Variants in IPPK observed in about 807,000 individuals in gnomAD.
IPPK encodes inositol-pentakisphosphate 2-kinase, also known as IPK1 homolog.
A neutral mutation model predicts 64.6 loss-of-function variants in IPPK; 22 were observed. The ratio of observed to expected loss-of-function variants is 0.34; its 90% CI spans 0.24 to 0.49. The LOEUF is 0.49. Among genes scored for constraint, IPPK ranks in the 20% least tolerant of loss-of-function variants. The pLI is 0.99. For missense variants in IPPK, 532 were observed against 630.7 expected (o/e 0.84, Z 1.68); for synonymous variants, 262 against 247.2 (o/e 1.06, Z -0.56).
intron 6 of IPPK, among the ~76,000 whole-genome samples, chr9:92,644,599 T>C (rs1852114540): frequency 6.6e-6 from 1 of 152,190 alleles, no homozygotes; most frequent in Non-Finnish European, 1.5e-5. Flanking sequence ...TGGGCATTTG[T>C]CAAAAACATT....
chr9:92,664,815 T>C (rs1852561173), intron 1 of IPPK, among the ~76,000 whole-genome samples: 1 of 152,216 alleles, frequency 6.6e-6, no homozygotes, highest in South Asian at 2.1e-4. Flanking sequence ...CCCTCCTGGA[T>C]CGCAGCTCTC....
intron 9 of IPPK, among the ~76,000 whole-genome samples, chr9:92,636,473 CA>C (rs369390679): frequency 2.0e-5 from 3 of 147,366 alleles, no homozygotes; most frequent in South Asian, 2.1e-4. Context: ...CCCATCTCTA[CA>C]AAAAAAAAAT....
At chr9:92,654,265 C>T (rs1852327437) in intron 3 of IPPK, among the ~76,000 whole-genome samples, 2 of 152,146 alleles carry the variant, frequency 1.3e-5, no homozygotes. Context: ...ACCTATAATC[C>T]CAGCACTTTA....
At chr9:92,622,413 C>T (rs1851657607) in intron 11 of IPPK, among the ~76,000 whole-genome samples, 1 of 152,084 alleles carries the variant, frequency 6.6e-6, no homozygotes, top group Non-Finnish European at 1.5e-5. Context: ...AAACTATAAT[C>T]GTTAGGATTA....
chr9:92,640,087 G>A (rs1483364358), intron 8 of IPPK, among the ~76,000 whole-genome samples: 1 of 152,224 alleles, frequency 6.6e-6, no homozygotes, highest in East Asian at 1.9e-4. Flanking sequence ...GTCAGCTCCT[G>A]CAGGGAGCCC....
At chr9:92,616,125 C>G (rs1038110061) in intron 12 of IPPK, 68 bp from the exon 13 acceptor site, 16 of 1,077,324 alleles carry the variant, frequency 1.5e-5, no homozygotes, top group Non-Finnish European at 2.1e-5. Context: ...CCCGTTCTCT[C>G]TCCCTTTCTT....
chr9:92,649,618 G>A, intron 4 of IPPK, 44 bp from the exon 5 acceptor site: 1 of 1,609,152 alleles, frequency 6.2e-7, no homozygotes, highest in Non-Finnish European at 8.5e-7. Context: ...GTCAGTGAGA[G>A]AGATGAGATG....
intron 11 of IPPK, among the ~76,000 whole-genome samples, chr9:92,627,188 C>A (rs1230646365): frequency 6.6e-6 from 1 of 152,032 alleles, no homozygotes; most frequent in Non-Finnish European, 1.5e-5. Context: ...TATGATTAGA[C>A]CTATAACAAT....
chr9:92,616,227 C>T (rs528174737), intron 12 of IPPK, 170 bp from the exon 13 acceptor site: 5 of 569,320 alleles, frequency 8.8e-6, no homozygotes, highest in Non-Finnish European at 1.6e-5. Flanking sequence ...TGGCCTCACA[C>T]CCCAGCTCAC....
chr9:92,654,629 C>T (rs1040012710), intron 3 of IPPK, among the ~76,000 whole-genome samples: 1 of 152,250 alleles, frequency 6.6e-6, no homozygotes, highest in Admixed American at 6.5e-5. Flanking sequence ...CCAGCTCTTG[C>T]ACAAGGTATT....
chr9:92,633,034 G>A (rs1851873746), intron 11 of IPPK, among the ~76,000 whole-genome samples: 1 of 150,694 alleles, frequency 6.6e-6, no homozygotes, highest in Non-Finnish European at 1.5e-5. Context: ...TTTATGAGAT[G>A]GAGTCTCGCT....
intron 1 of IPPK, among the ~76,000 whole-genome samples, chr9:92,662,484 T>C (rs1219796455): frequency 1.3e-5 from 2 of 151,438 alleles, no homozygotes; most frequent in African/African-American, 2.4e-5. Flanking sequence ...GATTGTACCA[T>C]TGCACTCCAG....
In IPPK at chr9:92,635,367, GAC is replaced by G. The variant is rs1464953088; in HGVS notation, c.917-61_917-60del. 3.2e-6 allele frequency: 5 copies of G among 1,563,396 alleles called. 1 individual carries two copies. Among genetic ancestry groups the G allele is most frequent in the Admixed American group, 1.8e-5 (1 of 55,064 alleles). ...TTGATTATCAAAGAACGTGGAGGGA[GAC>G]ACAGGCCGGCGCAGACCGCAGGGCT... On this transcript the variant is annotated intron_variant, in intron 9 of 12. Coordinates refer to ENST00000287996, the MANE Select transcript of IPPK (RefSeq NM_022755.6). The surrounding 1 kb of genome is among the most constrained non-coding windows in gnomAD (Gnocchi z 4.4).
chr9:92,664,706 G>A (rs371361981), intron 1 of IPPK, among the ~76,000 whole-genome samples: 4 of 152,230 alleles, frequency 2.6e-5, no homozygotes, highest in African/African-American at 9.6e-5. Flanking sequence ...GAGCAAGTCC[G>A]GGCCCTCAGA....
At chr9:92,659,036 A>G (rs2131460279) in intron 1 of IPPK, among the ~76,000 whole-genome samples, 1 of 152,376 alleles carries the variant, frequency 6.6e-6, no homozygotes, top group East Asian at 1.9e-4. Context: ...GATTTATAAG[A>G]AAGATCAGTA....
chr9:92,643,770 G>GC (rs1852097707), intron 6 of IPPK, among the ~76,000 whole-genome samples: 1 of 152,188 alleles, frequency 6.6e-6, no homozygotes, highest in Non-Finnish European at 1.5e-5. Flanking sequence ...GCACGTACAG[G>GC]CATGTAAACA....
At chr9:92,627,978 A>G (rs1851765175) in intron 11 of IPPK, among the ~76,000 whole-genome samples, 1 of 152,220 alleles carries the variant, frequency 6.6e-6, no homozygotes, top group South Asian at 2.1e-4. Flanking sequence ...TAGAACATAC[A>G]AACTCGGCAA....
chr9:92,665,353 G>A (rs1286548515), intron 1 of IPPK, among the ~76,000 whole-genome samples: 1 of 152,168 alleles, frequency 6.6e-6, no homozygotes, highest in Non-Finnish European at 1.5e-5. Flanking sequence ...AGGAAGTATG[G>A]CCCAGTTAAC....
At chr9:92,619,647 T>C in intron 11 of IPPK, 82 bp from the exon 12 acceptor site, 1 of 1,211,864 alleles carries the variant, frequency 8.3e-7, no homozygotes, top group South Asian at 1.3e-5. Context: ...AGTAGCCAAG[T>C]GTGGGAACTG....
Sources: gnomAD v4.1 joint callset for allele counts (sites outside exome capture counted in the v4.1 genomes callset) on GRCh38, gnomAD v4.1.1 for gene constraint, Gnocchi (gnomAD v3.1) non-coding constraint, MANE v1.5 for transcripts, NCBI Gene and HGNC (gene_info 2026-07-23, HGNC 2026-07-21) for gene names.